Variants in TYK2 observed in about 807,000 individuals in gnomAD.
TYK2 encodes the protein tyrosine kinase 2.
In TYK2, 65 loss-of-function variants were observed where a neutral mutation model predicts 130.9. The ratio of observed to expected loss-of-function variants is 0.50; its 90% confidence interval spans 0.41 to 0.61. The LOEUF is 0.61. Ranked by LOEUF, TYK2 falls within the 20% of genes least tolerant of loss-of-function variation. TYK2 has a pLI of 0.00. For missense variants in TYK2, 1,378 were observed against 1,610.7 expected (o/e 0.86, Z 2.47); for synonymous variants, 647 against 658.9 (o/e 0.98, Z 0.28).
intron 17 of TYK2, 170 bp from the exon 18 acceptor site, chr19:10,356,888 C>A: frequency 1.4e-6 from 1 of 699,906 alleles, no homozygotes; most frequent in South Asian, 1.7e-5. Flanking sequence ...GTGCTCACAG[C>A]CGTAGAACCA....
chr19:10,354,792 A>C (rs900635861), intron 18 of TYK2, among the ~76,000 whole-genome samples, 183 bp from the exon 19 acceptor site: 1 of 152,078 alleles, frequency 6.6e-6, no homozygotes, highest in African/African-American at 2.4e-5. Context: ...GGCTGCATCA[A>C]AACTGACACC....
chr19:10,366,669 C>T, intron 5 of TYK2, 89 bp from the exon 6 acceptor site: 1 of 1,444,682 alleles, frequency 6.9e-7, no homozygotes, highest in East Asian at 2.3e-5. Flanking sequence ...TACCCTGGAC[C>T]ACACTGGAAG....
chr19:10,359,146 G>A (rs750682162), intron 15 of TYK2, 29 bp downstream of exon 15: 16 of 1,597,884 alleles, frequency 1.0e-5, no homozygotes, highest in Middle Eastern at 1.9e-4. Context: ...CTCCCTGACC[G>A]ACCCAGGCCC....
chr19:10,367,745 C>A (rs1258875631), intron 5 of TYK2, among the ~76,000 whole-genome samples: 1 of 151,988 alleles, frequency 6.6e-6, no homozygotes, highest in Admixed American at 6.6e-5. Flanking sequence ...ACTGTGAAAC[C>A]CCGTCTCCAC....
chr19:10,380,127 C>T (rs1470622998), intron 1 of TYK2, among the ~76,000 whole-genome samples: 1 of 152,230 alleles, frequency 6.6e-6, no homozygotes, highest in East Asian at 1.9e-4. Flanking sequence ...AGAGAAAGTG[C>T]CTGGTATACA....
At chr19:10,355,745 C>T (rs1356165496) in intron 18 of TYK2, among the ~76,000 whole-genome samples, 1 of 147,858 alleles carries the variant, frequency 6.8e-6, no homozygotes, top group African/African-American at 2.5e-5. Context: ...GGGTGGATCA[C>T]GAGGTCAAGA....
chr19:10,361,653 T>G lies in TYK2; in HGVS notation c.1960-55A>C, dbSNP rs940949560. The G allele has an allele frequency of 5.2e-6, 8 of 1,546,294 alleles. No individual in the cohort carries two copies. The African/African-American group carries it at 1.1e-4, about 21-fold the overall frequency. On this transcript the variant is annotated intron_variant, in intron 13 of 24. Coordinates refer to ENST00000525621, the MANE Select transcript of TYK2 (RefSeq NM_003331.5). The surrounding 1 kb of genome is among the most constrained non-coding windows in gnomAD (Gnocchi z 4.0). ...CAAAGCCGACCCCTCCCATCCCACC[T>G]CCTCCACGGACACACCCCTCCCATC... is the stretch of plus-strand genomic sequence containing the variant.
chr19:10,353,299 G>C lies in TYK2; in HGVS notation c.3028-201C>G. On this transcript the variant is annotated intron_variant, in intron 21 of 24. Transcript: ENST00000525621. This position sits in a 1 kb window ranked among gnomAD's most constrained non-coding sequence, Gnocchi z 6.9. ...GCAGGGACGGGGCTAGACGAGCAAA[G>C]CTGGGCAGGAGGGCGAGTTGGGAGG... The C allele has an allele frequency of 3.4e-6, 2 of 580,776 alleles. No homozygotes were observed. Among genetic ancestry groups the C allele is most frequent in the Non-Finnish European group, 5.8e-6 (2 of 342,546 alleles). The allele number at this position is 580,776 out of a possible 1,614,324, so 36.0% of individuals were successfully genotyped here. A position where few individuals can be genotyped will look rare whatever the true frequency, so the allele number is the denominator to read the frequency against.
rs1195381488 is a variant in TYK2, at chr19:10,364,370, C to A, written c.1367+244G>T. 1.3e-5 allele frequency among the ~76,000 whole-genome samples: 2 copies of A among 152,104 alleles called. No individual in the cohort carries two copies. Among genetic ancestry groups the A allele is most frequent in the African/African-American group, 4.8e-5 (2 of 41,428 alleles). Reference sequence around the variant, plus strand: ...TACAAAAATACAAAAATTAGCCTGGCATGGTGGCGAGTGCCTGTAGTCCCA... The same window carrying A: ...TACAAAAATACAAAAATTAGCCTGGAATGGTGGCGAGTGCCTGTAGTCCCA... On this transcript the variant is annotated intron_variant, in intron 9 of 24. Coordinates refer to ENST00000525621, the MANE Select transcript of TYK2 (RefSeq NM_003331.5). This position sits in a 1 kb window ranked among gnomAD's most constrained non-coding sequence, Gnocchi z 4.9.
At chr19:10,377,995 AGGATGGATGGATGCATGGGT>A (rs1332515736) in intron 3 of TYK2, among the ~76,000 whole-genome samples, 199 bp downstream of exon 3, 1 of 53,744 alleles carries the variant, frequency 1.9e-5, no homozygotes, top group Non-Finnish European at 3.5e-5. Flanking sequence ...GGTGGATGGG[AGGATGGATGGATGCATGGGT>A]GGATGGATGG....
intron 17 of TYK2, chr19:10,357,161 G>T: frequency 2.6e-6 from 1 of 385,304 alleles, no homozygotes; most frequent in South Asian, 2.5e-5. Context: ...GGCCGAGGTG[G>T]GCGGATCACC....
rs766506896 is a variant in TYK2, at chr19:10,361,935, G to A, written c.1794C>T (p.Gly598=). The A allele has an allele frequency of 2.5e-6, 4 of 1,614,062 alleles. No individual in the cohort carries two copies. Among genetic ancestry groups the A allele is most frequent in the Non-Finnish European group, 3.4e-6 (4 of 1,180,012 alleles). ...EITQLSHLGQ[G]TRTNVYEGRL... Reference sequence around the variant, plus strand: ...GGCCCTCATACACGTTGGTCCTTGTGCCCTGGCCCAAGTGGGACAGCTGCG... The same window carrying A: ...GGCCCTCATACACGTTGGTCCTTGTACCCTGGCCCAAGTGGGACAGCTGCG... Residue 598 remains glycine (G), a synonymous_variant, in exon 13 of 25, where the codon GGC becomes GGT. Transcript: ENST00000525621. The surrounding 1 kb of genome is among the most constrained non-coding windows in gnomAD (Gnocchi z 4.0).
intron 15 of TYK2, 51 bp downstream of exon 15, chr19:10,359,124 G>A (rs1256395456): frequency 1.9e-6 from 3 of 1,593,958 alleles, no homozygotes; most frequent in Non-Finnish European, 2.5e-6. Context: ...TCGAACTCCT[G>A]GGCTCCTGGC....
At position 10,365,886 on chromosome 19, in the gene TYK2, G is replaced by A. The variant is rs1473951250; in HGVS notation, c.642C>T (p.Cys214=). Residue 214 remains cysteine, a synonymous_variant, in exon 7 of 25, where the codon TGC becomes TGT. Transcript: ENST00000525621. ...EVAKKTSFKD[C]IPRSFRRHIR... The stretch of plus-strand genomic sequence containing the variant: ...TATGCCGGCGGAAGGAGCGCGGGAT[G>A]CAGTCCTTGAAGCTGGGGGGAAACA... The A allele has an allele frequency of 1.2e-6, 2 of 1,609,580 alleles. No individual in the cohort carries two copies. Among genetic ancestry groups the A allele is most frequent in the East Asian group, 4.5e-5 (2 of 44,796 alleles).
At chr19:10,369,089 A>C (rs545624970) in intron 3 of TYK2, among the ~76,000 whole-genome samples, 115 of 152,208 alleles carry the variant, frequency 7.6e-4, no homozygotes, top group Non-Finnish European at 1.1e-3. Flanking sequence ...GATTACAGGC[A>C]TGAGCCACTG....
intron 22 of TYK2, among the ~76,000 whole-genome samples, 178 bp from the exon 23 acceptor site, chr19:10,352,729 C>G (rs1183974576): frequency 5.3e-5 from 8 of 152,058 alleles, no homozygotes; most frequent in Admixed American, 4.6e-4. Flanking sequence ...TTGGCTAGGC[C>G]GGGTTAACCC....
intron 5 of TYK2, among the ~76,000 whole-genome samples, chr19:10,366,782 C>T (rs896053914): frequency 3.3e-5 from 5 of 150,882 alleles, no homozygotes; most frequent in South Asian, 4.2e-4. Flanking sequence ...TGGTGGCTCA[C>T]GCCTATAATC....
chr19:10,353,198 C>G lies in TYK2; in HGVS notation c.3028-100G>C. On this transcript the variant is annotated intron_variant, in intron 21 of 24. Transcript: ENST00000525621. The surrounding 1 kb of genome is among the most constrained non-coding windows in gnomAD (Gnocchi z 6.9). ...CAGGAGGGCTGGGGGACAGTCAGGT[C>G]AGGCCGGTGGCTACCCGGCCGCTGG... 1 of 1,132,124 alleles carries G rather than the reference C, an allele frequency of 8.8e-7. No individual in the cohort carries two copies. Among genetic ancestry groups the G allele is most frequent in the Non-Finnish European group, 1.2e-6 (1 of 839,658 alleles). The allele number at this position is 1,132,124 out of a possible 1,614,324, so 70.1% of individuals were successfully genotyped here. A position where few individuals can be genotyped will look rare whatever the true frequency, so the allele number is the denominator to read the frequency against.
rs1286460624 is a variant in TYK2 at position 10,351,061 on chromosome 19, A to C, written c.3420T>G (p.Cys1140Trp). The part of the protein sequence containing the change: ...RGERLPRPDK[C>W]PCEVYHLMKN... ...ACAAAGGAAGTCTCACCTCACAGGG[A>C]CATTTGTCGGGCCGTGGCAGCCTCT... The change falls in exon 24 of 25, where the codon TGT (cysteine) becomes TGG (tryptophan). Residue 1140 changes from cysteine to tryptophan, a missense_variant. Coordinates refer to ENST00000525621, the MANE Select transcript of TYK2 (RefSeq NM_003331.5). 6.2e-7 allele frequency: 1 copy of C among 1,614,150 alleles called. No individual in the cohort carries two copies. Among genetic ancestry groups the C allele is most frequent in the South Asian group, 1.1e-5 (1 of 91,092 alleles).
Sources: allele counts gnomAD v4.1 joint callset (sites outside exome capture counted in the v4.1 genomes callset), GRCh38; gene constraint gnomAD v4.1.1; non-coding constraint Gnocchi (gnomAD v3.1); transcripts MANE v1.5; gene names NCBI Gene and HGNC (gene_info 2026-07-23, HGNC 2026-07-21).